Variants in COBL observed in about 807,000 individuals in gnomAD.
COBL encodes the protein protein cordon-bleu.
In COBL, 51 loss-of-function variants were observed where a neutral mutation model predicts 98.8. The ratio of observed to expected loss-of-function variants is 0.52; its 90% CI spans 0.41 to 0.65. The LOEUF (loss-of-function observed/expected upper bound fraction) is 0.65. COBL is among the 30% of genes least tolerant of loss of function. The pLI is 0.00. For synonymous variants in COBL, 634 were observed against 651.7 expected (o/e 0.97, Z 0.41); for missense variants, 1,617 against 1,617.5 (o/e 1.00, Z 0.01).
At position 51,190,887 on chromosome 7, in the gene COBL, G is replaced by C. The variant is rs140371373; in HGVS notation, c.648C>G (p.Leu216=). The C allele has an allele frequency of 1.9e-6, 3 of 1,613,876 alleles. No individual in the cohort carries two copies. The African/African-American group carries it at 4.0e-5, about 22-fold the overall frequency. The change falls in exon 4 of 13, where the codon CTC becomes CTG. Residue 216 remains leucine (L), a synonymous_variant. Transcript: ENST00000265136. ...CCCACGCGTAGAGCTCCTTTATCCC[G>C]AGCTCGTTCAGGGACTTGGACAGCT... is the stretch of plus-strand genomic sequence containing the variant. The part of the protein sequence containing the change: ...ELELSKSLNE[L]GIKELYAWDN...
At chr7:51,061,950 TACACACACACACACAC>T (rs3047134) in intron 7 of COBL, among the ~76,000 whole-genome samples, 5 of 145,448 alleles carry the variant, frequency 3.4e-5, no homozygotes, top group Non-Finnish European at 7.4e-5. Flanking sequence ...CCACCATAGA[TACACACACACACACAC>T]ACACACACAC....
chr7:51,057,403 C>T (rs1267954610), intron 7 of COBL, among the ~76,000 whole-genome samples: 1 of 152,092 alleles, frequency 6.6e-6, no homozygotes, highest in Non-Finnish European at 1.5e-5. Context: ...TGAAACATAT[C>T]CCCCTGTGAA....
At chr7:51,175,386 C>T (rs1788270622) in intron 5 of COBL, among the ~76,000 whole-genome samples, 2 of 152,240 alleles carry the variant, frequency 1.3e-5, no homozygotes, top group South Asian at 2.1e-4. Context: ...TTTTAGAGAC[C>T]GCTCCTTAAA....
In COBL at chr7:51,147,298, G is replaced by A. The variant is rs187597891; in HGVS notation, c.784-10967C>T. 2.6e-5 allele frequency among the ~76,000 whole-genome samples: 4 copies of A among 152,324 alleles called. No homozygotes were observed. The East Asian group carries it at 7.7e-4, about 29-fold the overall frequency. ...CCTCAGCCTTGTATGGGTCACATTT[G>A]TTAGAAATGCTTGTTACTTGGTGCT... is the stretch of plus-strand genomic sequence containing the variant. On this transcript the variant is annotated intron_variant, in intron 5 of 12. Transcript: ENST00000265136.
intron 5 of COBL, among the ~76,000 whole-genome samples, chr7:51,175,931 G>A (rs1034157883): frequency 6.6e-6 from 1 of 152,134 alleles, no homozygotes; most frequent in African/African-American, 2.4e-5. Context: ...ACGTTTTCCT[G>A]CCTTTTGGCA....
chr7:51,217,188 A>G (rs1793136839), intron 2 of COBL, among the ~76,000 whole-genome samples: 1 of 152,228 alleles, frequency 6.6e-6, no homozygotes, highest in Admixed American at 6.5e-5. Context: ...CCTCTACTTT[A>G]TAAGGGAAAT....
At chr7:51,155,235 C>T (rs1786001566) in intron 5 of COBL, among the ~76,000 whole-genome samples, 1 of 152,094 alleles carries the variant, frequency 6.6e-6, no homozygotes, top group East Asian at 1.9e-4. Flanking sequence ...AGCCACTCTG[C>T]CTGGGACATA....
chr7:51,208,437 G>GC (rs2129073806), intron 2 of COBL, among the ~76,000 whole-genome samples: 1 of 9,828 alleles, frequency 1.0e-4, no homozygotes, highest in African/African-American at 3.9e-4. Flanking sequence ...GGAGGGAGGT[G>GC]GGGGGGGTCA....
intron 7 of COBL, among the ~76,000 whole-genome samples, chr7:51,084,939 C>T (rs138291700): frequency 6.6e-6 from 1 of 152,196 alleles, no homozygotes; most frequent in Non-Finnish European, 1.5e-5. Context: ...TCTCCCCTTC[C>T]ACCGTCCCCC....
intron 1 of COBL, among the ~76,000 whole-genome samples, chr7:51,310,366 T>A (rs1485722553): frequency 1.3e-5 from 2 of 152,212 alleles, no homozygotes; most frequent in Non-Finnish European, 2.9e-5. Flanking sequence ...AAGCTTCTTG[T>A]TCCTGAGACA....
At chr7:51,056,613 T>C (rs1170045994) in intron 7 of COBL, among the ~76,000 whole-genome samples, 1 of 152,210 alleles carries the variant, frequency 6.6e-6, no homozygotes, top group African/African-American at 2.4e-5. Flanking sequence ...TGAAGATGAC[T>C]AATTTAAACT....
chr7:51,221,266 G>T (rs1793613608), intron 1 of COBL, among the ~76,000 whole-genome samples: 1 of 152,094 alleles, frequency 6.6e-6, no homozygotes, highest in Non-Finnish European at 1.5e-5. Flanking sequence ...GCTCAGAGTG[G>T]TCTTCCAAAG....
intron 1 of COBL, among the ~76,000 whole-genome samples, chr7:51,308,718 T>C (rs1444281130): frequency 2.0e-5 from 3 of 152,112 alleles, no homozygotes; most frequent in Non-Finnish European, 2.9e-5. Flanking sequence ...ACTACCCTAA[T>C]TGGGGGCTGG....
At chr7:51,270,235 T>C (rs1191369299) in intron 1 of COBL, among the ~76,000 whole-genome samples, 1 of 152,162 alleles carries the variant, frequency 6.6e-6, no homozygotes, top group Non-Finnish European at 1.5e-5. Flanking sequence ...CCTAGAAAGA[T>C]TTCTTTATAC....
intron 8 of COBL, among the ~76,000 whole-genome samples, chr7:51,041,358 T>C (rs1789171448): frequency 1.3e-5 from 2 of 152,110 alleles, no homozygotes; most frequent in Admixed American, 6.5e-5. Flanking sequence ...AGATACAGAT[T>C]TGTGAGTTCA....
At chr7:51,134,388 G>A (rs564152694) in intron 6 of COBL, among the ~76,000 whole-genome samples, 1 of 152,256 alleles carries the variant, frequency 6.6e-6, no homozygotes, top group East Asian at 1.9e-4. Flanking sequence ...ATTCTACAGG[G>A]TATAAAGTAC....
intron 5 of COBL, among the ~76,000 whole-genome samples, chr7:51,181,074 G>A (rs949824971): frequency 1.3e-5 from 2 of 152,124 alleles, no homozygotes; most frequent in Non-Finnish European, 2.9e-5. Flanking sequence ...ATTTGGCTTT[G>A]GGGTTCCCTT....
chr7:51,177,783 T>A (rs201340684), intron 5 of COBL, among the ~76,000 whole-genome samples: 480 of 29,668 alleles, frequency 0.016, 4 homozygotes, highest in African/African-American at 0.033. Context: ...AAAAAATAAA[T>A]AAATAAATAA....
intron 6 of COBL, among the ~76,000 whole-genome samples, chr7:51,122,216 G>A (rs188124710): frequency 6.2e-4 from 95 of 152,318 alleles, no homozygotes; most frequent in African/African-American, 2.1e-3. Flanking sequence ...ACAAACAAAA[G>A]GTAGACGTTA....
Sources: gnomAD v4.1 joint callset for allele counts (sites outside exome capture counted in the v4.1 genomes callset) on GRCh38, gnomAD v4.1.1 for gene constraint, MANE v1.5 for transcripts, NCBI Gene and HGNC (gene_info 2026-07-23, HGNC 2026-07-21) for gene names.